Variants in SLC24A3 observed in about 807,000 individuals in gnomAD.
SLC24A3 encodes the protein solute carrier family 24 member 3.
In SLC24A3, 28 loss-of-function variants were observed where a neutral mutation model predicts 75.8. The observed-to-expected ratio is 0.37, with a 90% CI of 0.27 to 0.51. The LOEUF (loss-of-function observed/expected upper bound fraction) is 0.51, where lower values mean the gene tolerates loss of function less well. SLC24A3 is among the 20% of genes least tolerant of loss of function. The probability of loss-of-function intolerance (pLI) is 0.94; values close to 1 mark genes in which losing one functional copy is unlikely to be tolerated. For missense variants in SLC24A3, 663 were observed against 847.8 expected (o/e 0.78, Z 2.71); for synonymous variants, 372 against 334.1 (o/e 1.11, Z -1.24).
intron 6 of SLC24A3, among the ~76,000 whole-genome samples, chr20:19,626,437 T>C (rs2031866751): frequency 6.6e-6 from 1 of 152,228 alleles, no homozygotes; most frequent in Non-Finnish European, 1.5e-5. Context: ...CTTATTTTTG[T>C]ACATTGTTAT....
intron 3 of SLC24A3, among the ~76,000 whole-genome samples, chr20:19,539,252 C>T (rs2030454996): frequency 6.6e-6 from 1 of 152,188 alleles, no homozygotes; most frequent in African/African-American, 2.4e-5. Context: ...ACATCAGAAT[C>T]CTTGTGTTGC....
intron 1 of SLC24A3, among the ~76,000 whole-genome samples, chr20:19,267,768 C>T (rs917270680): frequency 6.6e-6 from 1 of 152,092 alleles, no homozygotes; most frequent in Non-Finnish European, 1.5e-5. Context: ...AAAGCTTACT[C>T]TTTCACTGGT....
At chr20:19,655,992 A>T (rs2122711991) in intron 7 of SLC24A3, among the ~76,000 whole-genome samples, 1 of 152,256 alleles carries the variant, frequency 6.6e-6, no homozygotes, top group South Asian at 2.1e-4. Context: ...CCTGGGAGAA[A>T]TCAATCTCTC....
chr20:19,655,934 G>GA, intron 7 of SLC24A3, among the ~76,000 whole-genome samples: 1 of 152,006 alleles, frequency 6.6e-6, no homozygotes, highest in Non-Finnish European at 1.5e-5. Flanking sequence ...TGTTGGTTCA[G>GA]TGTCTCTTAA....
rs552077281 is a variant in SLC24A3, at chr20:19,461,016, G to A, written c.272-54472G>A. ...AAGCTAAGCAGTTTTATTAGCCAGCGGAGGGATTGGGGGCATCTTCCCATA... is the reference window on the plus strand; with the variant it reads ...AAGCTAAGCAGTTTTATTAGCCAGCAGAGGGATTGGGGGCATCTTCCCATA... On this transcript the variant is annotated intron_variant, in intron 2 of 16. Coordinates refer to ENST00000328041, the MANE Select transcript of SLC24A3 (RefSeq NM_020689.4). Among the ~76,000 whole-genome samples the A allele has an allele frequency of 8.5e-5, 13 of 152,280 alleles. No homozygotes were observed. The East Asian group carries it at 2.3e-3, about 27-fold the overall frequency.
rs576579733 is a variant in SLC24A3 at position 19,441,914 on chromosome 20, G to A, written c.272-73574G>A. On this transcript the variant is annotated intron_variant, in intron 2 of 16. Transcript: ENST00000328041. ...TCATAAAACCACTGATTTTTTTTAT[G>A]TGACATTTCTTCCAGAATGTCACAT... Among the ~76,000 whole-genome samples, 4 of 151,636 alleles carry A rather than the reference G, an allele frequency of 2.6e-5. No individual in the cohort carries two copies. The South Asian group carries it at 8.3e-4, about 32-fold the overall frequency.
chr20:19,554,594 G>A (rs1241735796), intron 3 of SLC24A3, among the ~76,000 whole-genome samples: 2 of 152,064 alleles, frequency 1.3e-5, no homozygotes, highest in Middle Eastern at 3.4e-3. Context: ...GTTTGACGGA[G>A]TTGTTGTTAA....
intron 2 of SLC24A3, among the ~76,000 whole-genome samples, chr20:19,462,446 GCT>G (rs1237651509): frequency 1.3e-5 from 2 of 152,170 alleles, no homozygotes; most frequent in Admixed American, 6.5e-5. Flanking sequence ...GCTCCCAGGG[GCT>G]GCTGTTGCCT....
At chr20:19,605,221 A>G (rs1008540926) in intron 6 of SLC24A3, among the ~76,000 whole-genome samples, 4 of 152,238 alleles carry the variant, frequency 2.6e-5, no homozygotes, top group African/African-American at 4.8e-5. Context: ...TACAAAGTGT[A>G]TGATTGATCA....
chr20:19,702,565 G>T (rs1371406643), intron 15 of SLC24A3, among the ~76,000 whole-genome samples: 2 of 151,854 alleles, frequency 1.3e-5, no homozygotes, highest in African/African-American at 4.8e-5. Flanking sequence ...GAAGACTTTG[G>T]AGAAAGGTGT....
rs189435473 is a variant in SLC24A3 at position 19,538,106 on chromosome 20, G to T, written c.348+22542G>T. ...AGTATCTGTCCAAGATACAGTACAT[G>T]TTAAGCCACGGTGTGGTTTCCATTG... On this transcript the variant is annotated intron_variant, in intron 3 of 16. Coordinates refer to ENST00000328041, the MANE Select transcript of SLC24A3 (RefSeq NM_020689.4). Among the ~76,000 whole-genome samples the T allele has an allele frequency of 6.0e-3, 908 of 152,278 alleles. 6 individuals carry two copies. Among genetic ancestry groups the T allele is most frequent in the Middle Eastern group, 0.027 (8 of 294 alleles).
At chr20:19,587,393 C>CA (rs1006238344) in intron 6 of SLC24A3, among the ~76,000 whole-genome samples, 2 of 152,174 alleles carry the variant, frequency 1.3e-5, no homozygotes, top group African/African-American at 2.4e-5. Flanking sequence ...CCCTGAACTC[C>CA]AAAAAATGCT....
At chr20:19,459,092 A>C (rs1240150705) in intron 2 of SLC24A3, among the ~76,000 whole-genome samples, 1 of 152,150 alleles carries the variant, frequency 6.6e-6, no homozygotes, top group Non-Finnish European at 1.5e-5. Flanking sequence ...GAGTCTCAGC[A>C]CCTACCTGTG....
chr20:19,481,434 G>A lies in SLC24A3; in HGVS notation c.272-34054G>A, dbSNP rs544540626. Among the ~76,000 whole-genome samples, 8 of 152,290 alleles carry A rather than the reference G, an allele frequency of 5.3e-5. No homozygotes were observed. In the South Asian group the frequency reaches 1.5e-3, roughly 28 times the overall value. ...TCTAAGGTTGTCCAGTTGGTAAATGGTGGAGTCACAGTGGAAATTCAGGAG... is the reference window on the plus strand; with the variant it reads ...TCTAAGGTTGTCCAGTTGGTAAATGATGGAGTCACAGTGGAAATTCAGGAG... On this transcript the variant is annotated intron_variant, in intron 2 of 16. Coordinates refer to ENST00000328041, the MANE Select transcript of SLC24A3 (RefSeq NM_020689.4).
rs141843060 is a variant in SLC24A3, at chr20:19,509,086, G to A, written c.272-6402G>A. ...TTTAGAATAATGATATGTGACCCCA[G>A]GAAGCATGGCGGTAGGTATTTCACA... is the stretch of plus-strand genomic sequence containing the variant. On this transcript the variant is annotated intron_variant, in intron 2 of 16. Transcript: ENST00000328041. Among the ~76,000 whole-genome samples, 14 of 152,340 alleles carry A rather than the reference G, an allele frequency of 9.2e-5. No individual in the cohort carries two copies. The East Asian group carries it at 1.9e-3, about 21-fold the overall frequency.
At chr20:19,669,312 G>A (rs944889298) in intron 8 of SLC24A3, among the ~76,000 whole-genome samples, 1 of 152,070 alleles carries the variant, frequency 6.6e-6, no homozygotes, top group African/African-American at 2.4e-5. Flanking sequence ...GACCAGCCTG[G>A]CCAACATGGT....
chr20:19,249,669 A>G (rs1982594094), intron 1 of SLC24A3, among the ~76,000 whole-genome samples: 1 of 152,204 alleles, frequency 6.6e-6, no homozygotes, highest in Non-Finnish European at 1.5e-5. Flanking sequence ...ACACAACTTC[A>G]CAATTTGCTG....
intron 7 of SLC24A3, among the ~76,000 whole-genome samples, chr20:19,655,534 G>A (rs2032255681): frequency 6.6e-6 from 1 of 152,136 alleles, no homozygotes; most frequent in South Asian, 2.1e-4. Context: ...CAGAGGGCTG[G>A]TGAAAGTATT....
chr20:19,617,506 G>A (rs1033836918), intron 6 of SLC24A3, among the ~76,000 whole-genome samples: 2 of 152,118 alleles, frequency 1.3e-5, no homozygotes, highest in Admixed American at 6.5e-5. Flanking sequence ...AGCTGGCCTT[G>A]GTATCACAGT....
Sources: allele counts gnomAD v4.1 joint callset (sites outside exome capture counted in the v4.1 genomes callset), GRCh38; gene constraint gnomAD v4.1.1; transcripts MANE v1.5; gene names NCBI Gene and HGNC (gene_info 2026-07-23, HGNC 2026-07-21).